Variants in KCNH1 observed in about 807,000 individuals in gnomAD.
KCNH1 encodes potassium voltage-gated channel subfamily H member 1, also known as voltage-gated delayed rectifier potassium channel KCNH1.
Under a neutral mutation model 69.2 loss-of-function variants are expected in KCNH1, and 27 were observed. The ratio of observed to expected loss-of-function variants is 0.39; its 90% CI spans 0.29 to 0.54. The LOEUF is 0.54. Ranked by LOEUF, KCNH1 falls within the 20% of genes least tolerant of loss-of-function variation. The pLI, the probability that KCNH1 is intolerant of heterozygous loss-of-function variation, is 0.68. For missense variants in KCNH1, 798 were observed against 1,261.6 expected, an observed-to-expected ratio of 0.63 and a Z score of 5.57; for synonymous variants, 456 against 487.7, an observed-to-expected ratio of 0.93 and a Z score of 0.86.
At chr1:210,963,788 T>A (rs563135549) in intron 6 of KCNH1, among the ~76,000 whole-genome samples, 169 of 152,170 alleles carry the variant, frequency 1.1e-3, no homozygotes, top group African/African-American at 3.9e-3. Context: ...AGTATGGGAA[T>A]ATGTGAAAAG....
chr1:210,716,522 G>C (rs977194283), intron 10 of KCNH1, among the ~76,000 whole-genome samples: 20 of 151,354 alleles, frequency 1.3e-4, no homozygotes, highest in Non-Finnish European at 2.8e-4. Context: ...GGTTTACTTT[G>C]AGGAATGATT....
chr1:211,030,548 A>T lies in KCNH1; in HGVS notation c.559-11292T>A, dbSNP rs556199065. ...ACAAACGGCATGGGAACAAGTGGAC[A>T]TCAATAAGCCAGAAAAGGAACCAGG... is the stretch of plus-strand genomic sequence containing the variant. On this transcript the variant is annotated intron_variant, in intron 5 of 10. Coordinates refer to ENST00000271751, the MANE Select transcript of KCNH1 (RefSeq NM_172362.3). Among the ~76,000 whole-genome samples the T allele has an allele frequency of 6.6e-5, 10 of 152,354 alleles. 1 individual carries two copies. The East Asian group carries it at 1.9e-3, about 29-fold the overall frequency.
chr1:211,026,167 AT>A (rs1490196149), intron 5 of KCNH1, among the ~76,000 whole-genome samples: 1 of 152,164 alleles, frequency 6.6e-6, no homozygotes, highest in Non-Finnish European at 1.5e-5. Context: ...GAGAAGACAT[AT>A]TTTTCCCTAT....
intron 7 of KCNH1, among the ~76,000 whole-genome samples, chr1:210,882,751 G>A (rs72757552): frequency 0.01 from 1,583 of 152,244 alleles, 15 homozygotes; most frequent in Non-Finnish European, 0.017. Context: ...GGCTGAATGT[G>A]CTCGCTGGAG....
At chr1:210,859,100 C>T (rs749948759) in intron 7 of KCNH1, 8 of 889,238 alleles carry the variant, frequency 9.0e-6, no homozygotes, top group Non-Finnish European at 1.5e-5. Context: ...ATAACATGAA[C>T]CAGTTCTAGA....
At chr1:211,071,408 G>C (rs1322904338) in intron 5 of KCNH1, among the ~76,000 whole-genome samples, 1 of 152,174 alleles carries the variant, frequency 6.6e-6, no homozygotes, top group Non-Finnish European at 1.5e-5. Context: ...ATTTACTAGA[G>C]AGAAGAACTG....
At chr1:210,997,628 C>G (rs926600506) in intron 6 of KCNH1, among the ~76,000 whole-genome samples, 2 of 152,134 alleles carry the variant, frequency 1.3e-5, no homozygotes, top group Non-Finnish European at 2.9e-5. Context: ...TTTAGCACGA[C>G]AGGCCAACAT....
chr1:210,820,246 T>C (rs936269068), intron 7 of KCNH1, among the ~76,000 whole-genome samples: 15 of 152,208 alleles, frequency 9.9e-5, no homozygotes, highest in Non-Finnish European at 1.8e-4. Context: ...TTAAGGAGCA[T>C]GTAGTAGACA....
chr1:210,914,802 TG>T (rs200583373), intron 7 of KCNH1, among the ~76,000 whole-genome samples: 4,246 of 151,000 alleles, frequency 0.028, 89 homozygotes, highest in Middle Eastern at 0.048. Context: ...GGAGGAGGAC[TG>T]GGAAGAAAGA....
At chr1:210,876,836 G>A (rs1686386014) in intron 7 of KCNH1, among the ~76,000 whole-genome samples, 1 of 152,058 alleles carries the variant, frequency 6.6e-6, no homozygotes, top group Non-Finnish European at 1.5e-5. Context: ...GCGTCACTAA[G>A]TGCCAATATA....
chr1:210,999,618 T>C (rs1689128303), intron 6 of KCNH1, among the ~76,000 whole-genome samples: 1 of 152,214 alleles, frequency 6.6e-6, no homozygotes, highest in Non-Finnish European at 1.5e-5. Context: ...CTTCTGAAAC[T>C]ATTCCAATGT....
intron 7 of KCNH1, among the ~76,000 whole-genome samples, chr1:210,917,856 C>A (rs906821118): frequency 2.6e-5 from 4 of 152,170 alleles, no homozygotes; most frequent in Non-Finnish European, 5.9e-5. Context: ...GAGAAAAGAT[C>A]TTAAATCCTT....
rs143988555 is a variant in KCNH1 at position 211,046,924 on chromosome 1, T to C, written c.559-27668A>G. Among the ~76,000 whole-genome samples, 7 of 152,158 alleles carry C rather than the reference T, an allele frequency of 4.6e-5. 1 individual carries two copies. The highest frequency in any genetic ancestry group is 1.7e-4 in the African/African-American group (7 of 41,534). On this transcript the variant is annotated intron_variant, in intron 5 of 10. Coordinates refer to ENST00000271751, the MANE Select transcript of KCNH1 (RefSeq NM_172362.3). ...TTAATACTAACCAATGGAAATAAAA[T>C]GCAAGCCACAAATGTGAGTCTTATA...
intron 9 of KCNH1, among the ~76,000 whole-genome samples, chr1:210,786,045 T>G (rs1684094681): frequency 6.6e-6 from 1 of 152,172 alleles, no homozygotes; most frequent in African/African-American, 2.4e-5. Context: ...CTCTCTTGGT[T>G]CAGAACTCTT....
chr1:210,826,072 TTTTAAA>T (rs1685026183), intron 7 of KCNH1, among the ~76,000 whole-genome samples: 2 of 152,226 alleles, frequency 1.3e-5, no homozygotes, highest in Admixed American at 6.5e-5. Flanking sequence ...ATTTTATTCT[TTTTAAA>T]TTTAATTTTT....
intron 5 of KCNH1, among the ~76,000 whole-genome samples, chr1:211,056,419 G>A (rs1055609165): frequency 3.9e-5 from 6 of 152,176 alleles, no homozygotes; most frequent in African/African-American, 1.4e-4. Context: ...TCCGGGCCCT[G>A]GCTCCTGGAC....
intron 7 of KCNH1, among the ~76,000 whole-genome samples, chr1:210,823,793 T>G (rs1430111682): frequency 6.6e-6 from 1 of 152,088 alleles, no homozygotes; most frequent in Non-Finnish European, 1.5e-5. Context: ...AGAGCCAAGA[T>G]TTGAACCCAG....
chr1:210,916,447 A>T (rs1286263032), intron 7 of KCNH1, among the ~76,000 whole-genome samples: 1 of 152,208 alleles, frequency 6.6e-6, no homozygotes, highest in African/African-American at 2.4e-5. Flanking sequence ...CTACAACAAC[A>T]AACAAGCAAA....
At chr1:210,907,122 C>T (rs1687118700) in intron 7 of KCNH1, among the ~76,000 whole-genome samples, 1 of 152,116 alleles carries the variant, frequency 6.6e-6, no homozygotes, top group African/African-American at 2.4e-5. Context: ...TTGGTTAAAG[C>T]TATATCCAAT....
Sources: allele counts gnomAD v4.1 joint callset (sites outside exome capture counted in the v4.1 genomes callset), GRCh38; gene constraint gnomAD v4.1.1; transcripts MANE v1.5; gene names NCBI Gene and HGNC (gene_info 2026-07-23, HGNC 2026-07-21).